Variants in WNK2 observed in about 807,000 individuals in gnomAD.
WNK2 encodes the protein serine/threonine-protein kinase WNK2.
In WNK2, 67 loss-of-function variants were observed where a neutral mutation model predicts 192.1. The ratio of observed to expected loss-of-function variants is 0.35; its 90% CI spans 0.29 to 0.43. The LOEUF is 0.43. Among genes scored for constraint, WNK2 ranks in the 20% least tolerant of loss-of-function variants. The probability of loss-of-function intolerance (pLI) is 1.00; values close to 1 mark genes in which losing one functional copy is unlikely to be tolerated. For synonymous variants in WNK2, 1,439 were observed against 1,393.9 expected, an observed-to-expected ratio of 1.03 and a Z score of -0.72; for missense variants, 2,698 against 3,089.7, an observed-to-expected ratio of 0.87 and a Z score of 3.01.
At chr9:93,269,762 T>C (rs1451684836) in intron 19 of WNK2, among the ~76,000 whole-genome samples, 1 of 152,184 alleles carries the variant, frequency 6.6e-6, no homozygotes, top group East Asian at 1.9e-4. Context: ...GTTAATAGAA[T>C]GAAATTAAAC....
chr9:93,298,595 G>A lies in WNK2; in HGVS notation c.5924-475G>A, dbSNP rs574634983. Among the ~76,000 whole-genome samples the A allele has an allele frequency of 2.6e-4, 39 of 152,298 alleles. No homozygotes were observed. The South Asian group carries it at 7.7e-3, about 30-fold the overall frequency. On this transcript the variant is annotated intron_variant, in intron 24 of 29. Coordinates refer to ENST00000427277, the MANE Select transcript of WNK2 (RefSeq NM_006648.4). ...GTCAGGGCTTCCTGAGGCCTCCTGA[G>A]CAGCACTGCAGCCTGCTTGCTGGTG...
chr9:93,229,943 T>C lies in WNK2; in HGVS notation c.854+75T>C, dbSNP rs1838458310. On this transcript the variant is annotated intron_variant, in intron 3 of 29. Coordinates refer to ENST00000427277, the MANE Select transcript of WNK2 (RefSeq NM_006648.4). The surrounding 1 kb of genome is among the most constrained non-coding windows in gnomAD (Gnocchi z 4.9). ...GCTACCATAGCTGAGGGTGAGGTCT[T>C]GGGCTGCTGGGGTGGTCCTGGCTGG... 1 of 1,538,276 alleles carries C rather than the reference T, an allele frequency of 6.5e-7. No homozygotes were observed. The highest frequency in any genetic ancestry group is 1.9e-5 in the Admixed American group (1 of 53,458).
At chr9:93,216,246 G>C (rs759976911) in intron 2 of WNK2, among the ~76,000 whole-genome samples, 7 of 152,184 alleles carry the variant, frequency 4.6e-5, no homozygotes, top group Non-Finnish European at 1.0e-4. Context: ...CTACTGCTTA[G>C]TGGTAATGCT....
In WNK2 at chr9:93,262,032, C is replaced by G; in HGVS notation, c.3285C>G (p.Asn1095Lys). ...TQTATLLPPA[N>K]PPLPGGPGIA... Reference sequence around the variant, plus strand: ...CTGCCACACTTCTGCCACCAGCAAACCCACCGCTGCCTGGCGGGCCCGGGA... The same window carrying G: ...CTGCCACACTTCTGCCACCAGCAAAGCCACCGCTGCCTGGCGGGCCCGGGA... Residue 1095 changes from asparagine to lysine, a missense_variant, in exon 13 of 30, where the codon AAC becomes AAG. Transcript: ENST00000427277. 1 of 1,610,946 alleles carries G rather than the reference C, an allele frequency of 6.2e-7. No homozygotes were observed. The highest frequency in any genetic ancestry group is 8.5e-7 in the Non-Finnish European group (1 of 1,178,666).
At chr9:93,261,479 C>T (rs1844238557) in intron 12 of WNK2, among the ~76,000 whole-genome samples, 2 of 152,164 alleles carry the variant, frequency 1.3e-5, no homozygotes, top group African/African-American at 4.8e-5. Context: ...TGCCGCAGGC[C>T]CCAGTGGGTG....
At chr9:93,199,526 G>A (rs1363746890) in intron 2 of WNK2, among the ~76,000 whole-genome samples, 1 of 152,214 alleles carries the variant, frequency 6.6e-6, no homozygotes, top group African/African-American at 2.4e-5. Flanking sequence ...TGCCCGGACA[G>A]GTCTCTTGGA....
chr9:93,268,388 G>A (rs1017209837), intron 18 of WNK2, among the ~76,000 whole-genome samples: 1 of 152,192 alleles, frequency 6.6e-6, no homozygotes, highest in African/African-American at 2.4e-5. Context: ...GCAGGCAGAA[G>A]CCCATCACCA....
chr9:93,297,632 T>C (rs781061015), intron 23 of WNK2, among the ~76,000 whole-genome samples: 4 of 152,248 alleles, frequency 2.6e-5, no homozygotes, highest in Non-Finnish European at 5.9e-5. Context: ...GGCACGTCGA[T>C]GCCAGAGGCC....
chr9:93,261,754 C>T (rs1280536996), intron 12 of WNK2, 60 bp from the exon 13 acceptor site: 90 of 1,531,620 alleles, frequency 5.9e-5, no homozygotes, highest in Non-Finnish European at 7.6e-5. Context: ...CACCTGGGCA[C>T]GGCCCCCTCA....
At chr9:93,211,559 C>T (rs368070635) in intron 2 of WNK2, among the ~76,000 whole-genome samples, 1 of 145,870 alleles carries the variant, frequency 6.9e-6, no homozygotes, top group East Asian at 2.1e-4. Context: ...CTCACTCACT[C>T]ATCCACTCAC....
intron 20 of WNK2, 70 bp downstream of exon 20, chr9:93,289,690 G>C: frequency 7.2e-7 from 1 of 1,383,482 alleles, no homozygotes; most frequent in Non-Finnish European, 9.5e-7. Context: ...AGGCCCGGGG[G>C]TGGGCAGGCA....
chr9:93,298,864 G>A (rs1851074367), intron 24 of WNK2, among the ~76,000 whole-genome samples: 1 of 152,216 alleles, frequency 6.6e-6, no homozygotes, highest in South Asian at 2.1e-4. Context: ...GTCCAGCACG[G>A]CAGTGGGGGC....
chr9:93,278,583 C>G (rs1271862399), intron 19 of WNK2, among the ~76,000 whole-genome samples: 1 of 152,200 alleles, frequency 6.6e-6, no homozygotes, highest in Non-Finnish European at 1.5e-5. Context: ...CTGAGAAGAT[C>G]CAATTGTTTC....
At chr9:93,224,424 C>T (rs1564025287) in intron 2 of WNK2, among the ~76,000 whole-genome samples, 1 of 152,212 alleles carries the variant, frequency 6.6e-6, no homozygotes, top group East Asian at 1.9e-4. Context: ...CTGATGCTCT[C>T]AGTCAACATC....
intron 2 of WNK2, among the ~76,000 whole-genome samples, chr9:93,211,063 C>T (rs1563995928): frequency 2.0e-5 from 3 of 152,230 alleles, no homozygotes; most frequent in Non-Finnish European, 4.4e-5. Flanking sequence ...CTCATACATT[C>T]ACTCATTCAC....
intron 23 of WNK2, among the ~76,000 whole-genome samples, chr9:93,294,609 C>G (rs561381703): frequency 6.6e-6 from 1 of 152,178 alleles, no homozygotes; most frequent in Admixed American, 6.5e-5. Flanking sequence ...CGAAGAGAAG[C>G]TTGTAGGGGG....
Position 93,259,588 on chromosome 9 carries a change from G to A in WNK2, c.3040G>A (p.Ala1014Thr). 6.3e-7 allele frequency: 1 copy of A among 1,592,256 alleles called. No homozygotes were observed. The highest frequency in any genetic ancestry group is 1.1e-5 in the South Asian group (1 of 89,812). ...CCAGCCCCACCTTCCTGAACAAGCTGCTCCAGCTGCTACACCAGGGAGCCA... is the reference window on the plus strand; with the variant it reads ...CCAGCCCCACCTTCCTGAACAAGCTACTCCAGCTGCTACACCAGGGAGCCA... ...PLQPHLPEQA[A>T]PAATPGSQIL... The change falls in exon 12 of 30, where the codon GCT becomes ACT. Residue 1014 changes from alanine (A) to threonine (T), a missense_variant. Transcript: ENST00000427277. This position sits in a 1 kb window ranked among gnomAD's most constrained non-coding sequence, Gnocchi z 4.8.
At chr9:93,298,384 G>A (rs1480558143) in intron 24 of WNK2, among the ~76,000 whole-genome samples, 2 of 152,236 alleles carry the variant, frequency 1.3e-5, no homozygotes, top group African/African-American at 4.8e-5. Flanking sequence ...GCAGGGCACT[G>A]CGTGGACGGA....
chr9:93,297,931 A>G lies in WNK2; in HGVS notation c.5787A>G (p.Pro1929=). Residue 1929 remains proline, a synonymous_variant, in exon 24 of 30, where the codon CCA becomes CCG. Transcript: ENST00000427277. ...CTCTGTACCGCCGCCTGGGCAAGCC[A>G]CTGCCCCCCAACGTGGGCTTCTTCC... The part of the protein sequence containing the change: ...IEALYRRLGK[P]LPPNVGFFHT... 6.3e-7 allele frequency: 1 copy of G among 1,589,966 alleles called. No homozygotes were observed. The highest frequency in any genetic ancestry group is 1.8e-5 in the Admixed American group (1 of 56,790).
Sources: allele counts gnomAD v4.1 joint callset (sites outside exome capture counted in the v4.1 genomes callset), GRCh38; gene constraint gnomAD v4.1.1; non-coding constraint Gnocchi (gnomAD v3.1); transcripts MANE v1.5; gene names NCBI Gene and HGNC (gene_info 2026-07-23, HGNC 2026-07-21).